The following GBX2 variants were observed in gnomAD, a reference collection of about 807,000 sequenced individuals.
The protein encoded by GBX2 is homeobox protein GBX-2.
A neutral mutation model predicts 22.4 loss-of-function variants in GBX2; 5 were observed. The ratio of observed to expected loss-of-function variants is 0.22; its 90% CI spans 0.12 to 0.47. The LOEUF is 0.47. GBX2 is among the 20% of genes least tolerant of loss of function. The probability of loss-of-function intolerance (pLI) is 0.99; values close to 1 mark genes in which losing one functional copy is unlikely to be tolerated. For missense variants in GBX2, 470 were observed against 495.4 expected, an observed-to-expected ratio of 0.95 and a Z score of 0.49; for synonymous variants, 220 against 230.5, an observed-to-expected ratio of 0.95 and a Z score of 0.41.
chr2:236,168,006 A>C lies in GBX2; in HGVS notation c.-35T>G. 6.8e-7 allele frequency: 1 copy of C among 1,473,454 alleles called. No individual in the cohort carries two copies. The highest frequency in any genetic ancestry group is 9.0e-7 in the Non-Finnish European group (1 of 1,114,310). The allele number at this position is 1,473,454 out of a possible 1,614,324, so 91.3% of individuals were successfully genotyped here. ...CGGTAGAGGCCAGCGAGAGGCGAAA[A>C]GTCCCCGCGCCGCGCCGCCGCCGGG... is the stretch of plus-strand genomic sequence containing the variant. On this transcript the variant is annotated 5_prime_UTR_variant, in exon 1 of 2. Coordinates refer to ENST00000306318, the MANE Select transcript of GBX2 (RefSeq NM_001485.4).
downstream of GBX2, among the ~76,000 whole-genome samples, chr2:236,164,606 G>A (rs75119007): frequency 9.1e-3 from 1,385 of 152,248 alleles, 15 homozygotes; most frequent in African/African-American, 0.032. Flanking sequence ...GACTACCGGG[G>A]CGTCCTTGGG....
chr2:236,165,482 C>A lies in GBX2; in HGVS notation c.*432G>T. The stretch of plus-strand genomic sequence containing the variant: ...TCAGTCAACTCAAAAAGCCAGAACG[C>A]AAACCAAAATCAGTTTAAACCCCAG... On this transcript the variant is annotated 3_prime_UTR_variant, in exon 2 of 2. Coordinates refer to ENST00000306318, the MANE Select transcript of GBX2 (RefSeq NM_001485.4). The A allele has an allele frequency of 6.3e-6, 1 of 159,292 alleles. No homozygotes were observed. The highest frequency in any genetic ancestry group is 1.4e-5 in the Non-Finnish European group (1 of 72,454). 9.9% of individuals were successfully genotyped at this position (159,292 alleles called of 1,614,324 possible).
chr2:236,167,201 T>C (rs1192930401), intron 1 of GBX2: 16 of 1,534,746 alleles, frequency 1.0e-5, no homozygotes, highest in Admixed American at 2.0e-5. Flanking sequence ...GTCAGATAGA[T>C]ATGTGGCCCA....
chr2:236,162,607 T>A (rs1469153641), downstream of GBX2, among the ~76,000 whole-genome samples: 2 of 152,152 alleles, frequency 1.3e-5, no homozygotes, highest in Non-Finnish European at 2.9e-5. Context: ...GCAAAGGCAG[T>A]CACTGGGTGG....
At position 236,166,421 on chromosome 2, in the gene GBX2, C is replaced by A; in HGVS notation, c.540G>T (p.Gly180=). The change falls in exon 2 of 2, where the codon GGG becomes GGT. Residue 180 remains glycine, a synonymous_variant. Coordinates refer to ENST00000306318, the MANE Select transcript of GBX2 (RefSeq NM_001485.4). This position sits in a 1 kb window ranked among gnomAD's most constrained non-coding sequence, Gnocchi z 6.6. The part of the protein sequence containing the change: ...VQASLVGAVR[G]QGKDESKVED... Reference sequence around the variant, plus strand: ...CCACCTTTGACTCGTCTTTCCCTTGCCCTCGGACAGCCCCGACTGAAAGCA... The same window carrying A: ...CCACCTTTGACTCGTCTTTCCCTTGACCTCGGACAGCCCCGACTGAAAGCA... 6.2e-7 allele frequency: 1 copy of A among 1,611,342 alleles called. No individual in the cohort carries two copies. Among genetic ancestry groups the A allele is most frequent in the Non-Finnish European group, 8.5e-7 (1 of 1,177,950 alleles).
At position 236,166,504 on chromosome 2, in the gene GBX2, G is replaced by T; in HGVS notation, c.524-67C>A. 1 of 1,437,950 alleles carries T rather than the reference G, an allele frequency of 7.0e-7. No individual in the cohort carries two copies. Among genetic ancestry groups the T allele is most frequent in the Non-Finnish European group, 9.6e-7 (1 of 1,044,492 alleles). The allele number at this position is 1,437,950 out of a possible 1,614,324, so 89.1% of individuals were successfully genotyped here. On this transcript the variant is annotated intron_variant, in intron 1 of 1. Coordinates refer to ENST00000306318, the MANE Select transcript of GBX2 (RefSeq NM_001485.4). This position sits in a 1 kb window ranked among gnomAD's most constrained non-coding sequence, Gnocchi z 6.6. Reference sequence around the variant, plus strand: ...CTGGCCTTCCTTTCTCCTTCCCACCGTCATTTGGACATTCCGCGCCCCCCG... The same window carrying T: ...CTGGCCTTCCTTTCTCCTTCCCACCTTCATTTGGACATTCCGCGCCCCCCG...
At chr2:236,161,787 C>T (rs1052473633), downstream of GBX2, among the ~76,000 whole-genome samples, 10 of 152,290 alleles carry the variant, frequency 6.6e-5, no homozygotes, top group Non-Finnish European at 1.2e-4. Context: ...TCTGCCACAC[C>T]GCCACTGAAG....
downstream of GBX2, among the ~76,000 whole-genome samples, chr2:236,161,845 G>A (rs963097532): frequency 2.0e-5 from 3 of 152,228 alleles, no homozygotes; most frequent in South Asian, 6.2e-4. Context: ...TGCTGCCCGC[G>A]CTGCTGAATG....
intron 1 of GBX2, 74 bp downstream of exon 1, chr2:236,167,375 C>A: frequency 7.1e-7 from 1 of 1,407,542 alleles, no homozygotes; most frequent in Non-Finnish European, 9.2e-7. Flanking sequence ...CTTGGTCTCC[C>A]GCGGGAACCC....
Position 236,167,821 on chromosome 2 carries a change from G to T in GBX2, c.151C>A (p.Arg51=), listed in dbSNP as rs935440715. The change falls in exon 1 of 2, where the codon CGG becomes AGG. Residue 51 remains arginine, a synonymous_variant. Coordinates refer to ENST00000306318, the MANE Select transcript of GBX2 (RefSeq NM_001485.4). ...GGCGGCGGCGGCAGCACTACCGGCC[G>T]GTAGGGCATGAACATGGGGTAGCCG... The part of the protein sequence containing the change: ...YTGYPMFMPY[R]PVVLPPPPPP... 1 of 1,452,338 alleles carries T rather than the reference G, an allele frequency of 6.9e-7. No homozygotes were observed. 90.0% of individuals were successfully genotyped at this position (1,452,338 alleles called of 1,614,324 possible).
chr2:236,166,877 C>T lies in GBX2; in HGVS notation c.524-440G>A, dbSNP rs550044946. 5.3e-5 allele frequency among the ~76,000 whole-genome samples: 8 copies of T among 152,318 alleles called. No individual in the cohort carries two copies. The South Asian group carries it at 1.7e-3, about 32-fold the overall frequency. ...TAGTGAACCTCAATTGCTTCCTAACCGGAGTGGAGGCGTAGGGACGTGCAG... is the reference window on the plus strand; with the variant it reads ...TAGTGAACCTCAATTGCTTCCTAACTGGAGTGGAGGCGTAGGGACGTGCAG... On this transcript the variant is annotated intron_variant, in intron 1 of 1. Coordinates refer to ENST00000306318, the MANE Select transcript of GBX2 (RefSeq NM_001485.4). The surrounding 1 kb of genome is among the most constrained non-coding windows in gnomAD (Gnocchi z 6.6).
chr2:236,167,216 A>C, intron 1 of GBX2: 1 of 1,531,808 alleles, frequency 6.5e-7, no homozygotes, highest in African/African-American at 1.4e-5. Flanking sequence ...GGCCCAGGGC[A>C]GCAGCTGGTC....
At position 236,165,260 on chromosome 2, in the gene GBX2, CTTTTT is replaced by C. The variant is rs987570923; in HGVS notation, c.*649_*653del. On this transcript the variant is annotated 3_prime_UTR_variant, in exon 2 of 2. Transcript: ENST00000306318. ...ATTGGTCTTTTTCCCCCCCTCTCTC[CTTTTT>C]ATTATTCACAAGACTGAAATTGTTT... 6.6e-6 allele frequency: 1 copy of C among 152,214 alleles called. No individual in the cohort carries two copies. Among genetic ancestry groups the C allele is most frequent in the Non-Finnish European group, 1.5e-5 (1 of 68,080 alleles). The allele number at this position is 152,214 out of a possible 1,614,324, so 9.4% of individuals were successfully genotyped here.
downstream of GBX2, among the ~76,000 whole-genome samples, chr2:236,164,088 C>A (rs150296041): frequency 1.2e-4 from 19 of 152,338 alleles, no homozygotes; most frequent in South Asian, 8.3e-4. Context: ...CTTCACCCTG[C>A]GCCTGAAGTT....
In GBX2 at chr2:236,167,830, T is replaced by G; in HGVS notation, c.142A>C (p.Met48Leu). ...HFVYTGYPMFMPYRPVVLPPP... is the reference protein window; with the variant it reads ...HFVYTGYPMFLPYRPVVLPPP... ...GGCAGCACTACCGGCCGGTAGGGCA[T>G]GAACATGGGGTAGCCGGTGTAGACG... is the stretch of plus-strand genomic sequence containing the variant. Residue 48 changes from methionine (M) to leucine (L), a missense_variant, in exon 1 of 2, where the codon ATG becomes CTG. Physicochemically the swap from Met to Leu is conservative, Grantham distance 15 (BLOSUM62 2). This residue lies in a region of GBX2 where 377 missense variants were observed against 358.6 expected (regional missense o/e 1.05). Transcript: ENST00000306318. 6.8e-7 allele frequency: 1 copy of G among 1,476,458 alleles called. No individual in the cohort carries two copies. The highest frequency in any genetic ancestry group is 9.0e-7 in the Non-Finnish European group (1 of 1,111,288). 91.5% of individuals were successfully genotyped at this position (1,476,458 alleles called of 1,614,324 possible).
downstream of GBX2, among the ~76,000 whole-genome samples, chr2:236,163,618 G>A (rs189445848): frequency 2.4e-3 from 360 of 152,160 alleles, 1 homozygote; most frequent in African/African-American, 8.4e-3. Context: ...CGACCCGCAG[G>A]GCCGGCGGGG....
rs368609531 is a variant in GBX2, at chr2:236,167,836, T to A, written c.136A>T (p.Met46Leu). The part of the protein sequence containing the change: ...PGHFVYTGYP[M>L]FMPYRPVVLP... ...ACTACCGGCCGGTAGGGCATGAACATGGGGTAGCCGGTGTAGACGAAATGG... is the reference window on the plus strand; with the variant it reads ...ACTACCGGCCGGTAGGGCATGAACAAGGGGTAGCCGGTGTAGACGAAATGG... The change falls in exon 1 of 2, where the codon ATG (methionine) becomes TTG (leucine). Residue 46 changes from methionine to leucine, a missense_variant. Around this residue, in one of 4 missense-constraint regions of GBX2, gnomAD observed 377 missense variants for 358.6 expected, o/e 1.05. Transcript: ENST00000306318. The A allele has an allele frequency of 1.0e-5, 15 of 1,489,480 alleles. No homozygotes were observed. Among genetic ancestry groups the A allele is most frequent in the African/African-American group, 1.5e-5 (1 of 68,490 alleles). The allele number at this position is 1,489,480 out of a possible 1,614,324, so 92.3% of individuals were successfully genotyped here.
Position 236,167,680 on chromosome 2 carries a change from T to C in GBX2, c.292A>G (p.Met98Val), listed in dbSNP as rs2060249756. ...GCCATGAGCGTAGAGGTGAGCGCCA[T>C]GCCCTGCGCCAGGCTGGAGCAGAAG... Reference protein sequence around the residue: ...TGFCSSLAQGMALTSTLMATL... With the variant: ...TGFCSSLAQGVALTSTLMATL... Residue 98 changes from methionine to valine, a missense_variant, in exon 1 of 2, where the codon ATG becomes GTG. Around this residue, in one of 4 missense-constraint regions of GBX2, gnomAD observed 377 missense variants for 358.6 expected, o/e 1.05. Transcript: ENST00000306318. The C allele has an allele frequency of 3.2e-6, 5 of 1,582,238 alleles. No individual in the cohort carries two copies. The highest frequency in any genetic ancestry group is 1.4e-5 in the African/African-American group (1 of 71,372).
chr2:236,168,060 G>A lies in GBX2; in HGVS notation c.-89C>T, dbSNP rs1399641172. 12 of 1,309,542 alleles carry A rather than the reference G, an allele frequency of 9.2e-6. No individual in the cohort carries two copies. The highest frequency in any genetic ancestry group is 2.9e-4 in the Middle Eastern group (1 of 3,478). 81.1% of individuals were successfully genotyped at this position (1,309,542 alleles called of 1,614,324 possible). ...CCCGCCGGACGCCGGGAGCACCGCC[G>A]GGAGCGCCGGGCAGGGGCCGAGCGG... On this transcript the variant is annotated 5_prime_UTR_variant, in exon 1 of 2. Coordinates refer to ENST00000306318, the MANE Select transcript of GBX2 (RefSeq NM_001485.4).
Sources: gnomAD v4.1 joint callset for allele counts (sites outside exome capture counted in the v4.1 genomes callset) on GRCh38, gnomAD v4.1.1 for gene constraint, gnomAD v4.1.1 regional missense constraint, Gnocchi (gnomAD v3.1) non-coding constraint, MANE v1.5 for transcripts, NCBI Gene and HGNC (gene_info 2026-07-23, HGNC 2026-07-21) for gene names.